The following TRPC5 variants were observed in gnomAD, a reference collection of about 807,000 sequenced individuals.
TRPC5 encodes the protein short transient receptor potential channel 5.
Under a neutral mutation model 56.5 loss-of-function variants are expected in TRPC5, and 9 were observed. The ratio of observed to expected loss-of-function variants is 0.16; its 90% confidence interval spans 0.10 to 0.28. TRPC5 has a LOEUF of 0.28. Among genes scored for constraint, TRPC5 ranks in the 10% least tolerant of loss-of-function variants. TRPC5 has a pLI of 1.00. For missense variants in TRPC5, 469 were observed against 748.9 expected (o/e 0.63, Z 4.36); for synonymous variants, 282 against 278.5 (o/e 1.01, Z -0.13).
chrX:111,945,508 C>T (rs963473912), intron 2 of TRPC5, among the ~76,000 whole-genome samples: 5 of 110,653 alleles, frequency 4.5e-5, no homozygotes, highest in African/African-American at 6.6e-5. Flanking sequence ...CACCGACATA[C>T]ATAGACACAC....
intron 3 of TRPC5, among the ~76,000 whole-genome samples, chrX:111,891,565 G>A (rs780919975): frequency 9.0e-6 from 1 of 110,681 alleles, no homozygotes; most frequent in East Asian, 2.8e-4. Flanking sequence ...TTTTGAGATG[G>A]AGTCTCACAC....
At chrX:111,910,893 CTATTT>C (rs755008967) in intron 3 of TRPC5, among the ~76,000 whole-genome samples, 13 of 112,711 alleles carry the variant, frequency 1.2e-4, no homozygotes, top group Non-Finnish European at 2.3e-4. Context: ...AGTATATTAC[CTATTT>C]TATTTTATCT....
intron 1 of TRPC5, among the ~76,000 whole-genome samples, chrX:111,989,802 G>T (rs1928305437): frequency 8.9e-6 from 1 of 112,227 alleles, no homozygotes; most frequent in South Asian, 3.7e-4. Flanking sequence ...GATGAATGAA[G>T]AAAGCAAGAT....
At chrX:111,972,166 C>A (rs1927802763) in intron 1 of TRPC5, among the ~76,000 whole-genome samples, 1 of 111,954 alleles carries the variant, frequency 8.9e-6, no homozygotes. Context: ...CTTCTGCCAC[C>A]ATGTTCCTTT....
At chrX:111,981,928 T>G (rs1413477114) in intron 1 of TRPC5, among the ~76,000 whole-genome samples, 1 of 111,511 alleles carries the variant, frequency 9.0e-6, no homozygotes, top group East Asian at 2.8e-4. Flanking sequence ...AGGGACCAGG[T>G]GGGAGGTGAT....
At chrX:111,839,490 A>T (rs1228243237) in intron 6 of TRPC5, among the ~76,000 whole-genome samples, 7 of 111,781 alleles carry the variant, frequency 6.3e-5, no homozygotes, top group Non-Finnish European at 1.1e-4. Flanking sequence ...GGTAAGATAA[A>T]TACTAATTGC....
At chrX:111,897,658 C>A (rs1258850357) in intron 3 of TRPC5, among the ~76,000 whole-genome samples, 2 of 111,696 alleles carry the variant, frequency 1.8e-5, no homozygotes, top group Non-Finnish European at 3.8e-5. Flanking sequence ...TGTCTGGCTT[C>A]TTTCATTAAG....
At chrX:112,014,157 G>A (rs1929061095) in intron 1 of TRPC5, among the ~76,000 whole-genome samples, 1 of 111,255 alleles carries the variant, frequency 9.0e-6, no homozygotes, top group African/African-American at 3.3e-5. Flanking sequence ...GCTGGTCCAG[G>A]GACCATACAT....
At chrX:111,806,993 A>G (rs972395133) in intron 7 of TRPC5, among the ~76,000 whole-genome samples, 1 of 111,557 alleles carries the variant, frequency 9.0e-6, no homozygotes, top group Admixed American at 9.6e-5. Flanking sequence ...TGCTTTCAGG[A>G]TCCTTTCTTT....
At chrX:111,907,186 G>C (rs926882584) in intron 3 of TRPC5, among the ~76,000 whole-genome samples, 9 of 108,635 alleles carry the variant, frequency 8.3e-5, no homozygotes, top group Admixed American at 7.9e-4. Context: ...CAGGGTAAAT[G>C]TGTTCCACTA....
intron 1 of TRPC5, among the ~76,000 whole-genome samples, chrX:112,018,154 G>A (rs913667962): frequency 2.7e-5 from 3 of 112,326 alleles, no homozygotes. Context: ...ATACAAATGT[G>A]GCTTGTATTA....
rs887049924 is a variant in TRPC5 at position 111,912,428 on chromosome X, G to A, written c.763C>T (p.Leu255=). ...SQQCKLFAKD[L]LDQARSSREL... ...CTGGAGCTCCGAGCTTGGTCCAGCA[G>A]GTCTTTGGCAAAGAGCTTGCACTGC... The change falls in exon 3 of 11, where the codon CTG becomes TTG. Residue 255 remains leucine (L), a synonymous_variant. Transcript: ENST00000262839. 2.5e-6 allele frequency: 3 copies of A among 1,209,675 alleles called. No homozygotes were observed. Among genetic ancestry groups the A allele is most frequent in the African/African-American group, 3.5e-5 (2 of 57,013 alleles).
chrX:111,966,393 C>G (rs947218861), intron 1 of TRPC5, among the ~76,000 whole-genome samples: 2 of 111,662 alleles, frequency 1.8e-5, no homozygotes, highest in African/African-American at 6.5e-5. Context: ...CGAATTCTAC[C>G]AGAGATACAA....
At chrX:111,828,785 T>C (rs1376158179) in intron 7 of TRPC5, among the ~76,000 whole-genome samples, 1 of 111,748 alleles carries the variant, frequency 8.9e-6, no homozygotes, top group East Asian at 2.8e-4. Flanking sequence ...GTTGAATGGC[T>C]TTGACCAAAA....
chrX:112,039,526 A>G (rs759178659), intron 1 of TRPC5, among the ~76,000 whole-genome samples: 4 of 112,255 alleles, frequency 3.6e-5, no homozygotes, highest in South Asian at 3.7e-4. Flanking sequence ...AATAGAGATG[A>G]TTTCTAACTC....
At chrX:111,951,175 C>G (rs1319225530) in intron 2 of TRPC5, among the ~76,000 whole-genome samples, 1 of 111,929 alleles carries the variant, frequency 8.9e-6, no homozygotes, top group Admixed American at 9.5e-5. Flanking sequence ...TGAGAATCCT[C>G]TGGAGGGCTT....
intron 1 of TRPC5, among the ~76,000 whole-genome samples, chrX:111,984,905 G>A (rs138896987): frequency 8.9e-6 from 1 of 112,174 alleles, no homozygotes; most frequent in East Asian, 2.8e-4. Context: ...ATATATCAAG[G>A]GATGTGTTAA....
chrX:111,942,620 A>G (rs1195537876), intron 2 of TRPC5, among the ~76,000 whole-genome samples: 1 of 112,157 alleles, frequency 8.9e-6, no homozygotes, highest in South Asian at 3.7e-4. Context: ...ATGTTTACTG[A>G]AAGTTAGCAC....
chrX:111,982,156 G>T (rs1348910134), intron 1 of TRPC5, among the ~76,000 whole-genome samples: 1 of 112,212 alleles, frequency 8.9e-6, no homozygotes, highest in East Asian at 2.8e-4. Context: ...CTGCGGAACT[G>T]TGAGTCAATT....
Sources: allele counts gnomAD v4.1 joint callset (sites outside exome capture counted in the v4.1 genomes callset), GRCh38; gene constraint gnomAD v4.1.1; transcripts MANE v1.5; gene names NCBI Gene and HGNC (gene_info 2026-07-23, HGNC 2026-07-21).